The following C10orf90 variants were observed in gnomAD, a reference collection of about 807,000 sequenced individuals.
The protein encoded by C10orf90 is (E2-independent) E3 ubiquitin-conjugating enzyme FATS.
Under a neutral mutation model 62.5 loss-of-function variants are expected in C10orf90, and 56 were observed. The observed-to-expected ratio is 0.90, with a 90% confidence interval of 0.72 to 1.12. The LOEUF (loss-of-function observed/expected upper bound fraction) is 1.12. C10orf90 is among the 50% of genes most tolerant of loss of function. C10orf90 has a pLI of 0.00. For synonymous variants in C10orf90, 386 were observed against 340.4 expected (o/e 1.13, Z -1.47); for missense variants, 970 against 880.4 (o/e 1.10, Z -1.29).
intron 2 of C10orf90, among the ~76,000 whole-genome samples, chr10:126,633,907 A>C (rs1186766785): frequency 6.6e-6 from 1 of 152,214 alleles, no homozygotes; most frequent in East Asian, 1.9e-4. Flanking sequence ...CATTGGGGAA[A>C]TTCTAATCAA....
In C10orf90 at chr10:126,664,287, G is replaced by A. The variant is rs193118728; in HGVS notation, c.240+5954C>T. Among the ~76,000 whole-genome samples the A allele has an allele frequency of 2.9e-3, 444 of 152,198 alleles. 3 individuals are homozygous for A. Among genetic ancestry groups the A allele is most frequent in the African/African-American group, 0.01 (426 of 41,506 alleles). On this transcript the variant is annotated intron_variant, in intron 1 of 9. Coordinates refer to ENST00000488181, the MANE Select transcript of C10orf90 (RefSeq NM_001350921.2). ...AACAAGACCTGCTTACAAAGCAGCAGCACCCATAAATCACTGGTTACAATT... is the reference window on the plus strand; with the variant it reads ...AACAAGACCTGCTTACAAAGCAGCAACACCCATAAATCACTGGTTACAATT...
At chr10:126,590,537 T>A (rs1449123313) in intron 2 of C10orf90, among the ~76,000 whole-genome samples, 2 of 152,156 alleles carry the variant, frequency 1.3e-5, no homozygotes, top group Non-Finnish European at 2.9e-5. Flanking sequence ...AGAATCTCAC[T>A]CAAAACCACA....
At chr10:126,467,598 C>A (rs1377782493) in intron 4 of C10orf90, among the ~76,000 whole-genome samples, 1 of 152,140 alleles carries the variant, frequency 6.6e-6, no homozygotes, top group East Asian at 1.9e-4. Flanking sequence ...GCGCTTAAAG[C>A]CCCCGTCCTG....
rs61863952 is a variant in C10orf90 at position 126,500,871 on chromosome 10, C to T, written c.1534+3086G>A. The stretch of plus-strand genomic sequence containing the variant: ...ACAATTTGTAGAACTTTCTGTCCAA[C>T]GACCTAATGACTAGAACTAAAATTG... On this transcript the variant is annotated intron_variant, in intron 4 of 9. Coordinates refer to ENST00000488181, the MANE Select transcript of C10orf90 (RefSeq NM_001350921.2). Among the ~76,000 whole-genome samples, 1,006 of 152,276 alleles carry T rather than the reference C, an allele frequency of 6.6e-3. 4 individuals carry two copies. Among genetic ancestry groups the T allele is most frequent in the South Asian group, 0.014 (70 of 4,832 alleles).
chr10:126,556,535 A>G (rs1209739303), intron 2 of C10orf90, among the ~76,000 whole-genome samples: 4 of 152,058 alleles, frequency 2.6e-5, no homozygotes, highest in African/African-American at 9.7e-5. Flanking sequence ...TTATTTCTTC[A>G]TTTCCTCCTG....
intron 7 of C10orf90, among the ~76,000 whole-genome samples, chr10:126,458,115 A>G (rs1859702947): frequency 6.6e-6 from 1 of 152,140 alleles, no homozygotes; most frequent in Non-Finnish European, 1.5e-5. Flanking sequence ...GGGGAGATTC[A>G]CAGGAATTCT....
At chr10:126,615,207 A>G (rs1845516435) in intron 2 of C10orf90, among the ~76,000 whole-genome samples, 1 of 152,174 alleles carries the variant, frequency 6.6e-6, no homozygotes, top group Admixed American at 6.5e-5. Context: ...CCTATTTGTT[A>G]AGATCCTTTT....
At chr10:126,622,727 G>A (rs1845671015) in intron 2 of C10orf90, among the ~76,000 whole-genome samples, 1 of 152,178 alleles carries the variant, frequency 6.6e-6, no homozygotes, top group Non-Finnish European at 1.5e-5. Context: ...ATGACAGGGA[G>A]ATTTTTCACT....
intron 2 of C10orf90, among the ~76,000 whole-genome samples, chr10:126,535,188 G>C (rs1364726401): frequency 7.0e-6 from 1 of 143,588 alleles, no homozygotes; most frequent in Non-Finnish European, 1.5e-5. Context: ...GAGAGAGAGA[G>C]AGATTCACAC....
At chr10:126,532,984 G>C (rs765141374) in intron 2 of C10orf90, among the ~76,000 whole-genome samples, 2 of 150,658 alleles carry the variant, frequency 1.3e-5, no homozygotes, top group Non-Finnish European at 3.0e-5. Flanking sequence ...CCAGGCTGGA[G>C]TGCAGTGGCG....
intron 2 of C10orf90, among the ~76,000 whole-genome samples, chr10:126,554,243 TA>T (rs1864707378): frequency 6.6e-6 from 1 of 152,100 alleles, no homozygotes; most frequent in Non-Finnish European, 1.5e-5. Flanking sequence ...ATCTGAGACA[TA>T]ATGTCAAGCA....
rs546510549 is a variant in C10orf90 at position 126,504,837 on chromosome 10, C to T, written c.654G>A (p.Glu218=). 2 of 1,605,922 alleles carry T rather than the reference C, an allele frequency of 1.2e-6. No individual in the cohort carries two copies. Among genetic ancestry groups the T allele is most frequent in the Admixed American group, 3.4e-5 (2 of 59,634 alleles). Residue 218 remains glutamate (E), a synonymous_variant, in exon 4 of 10, where the codon GAG becomes GAA. Transcript: ENST00000488181. This position sits in a 1 kb window ranked among gnomAD's most constrained non-coding sequence, Gnocchi z 4.1. ...APSDERGPEA[E]LPPKEERPCG... ...AGGGTCTCTCCTCTTTGGGCGGCAG[C>T]TCTGCCTCAGGTCCTCGCTCATCTG...
intron 7 of C10orf90, among the ~76,000 whole-genome samples, chr10:126,450,493 A>G (rs188553518): frequency 7.9e-5 from 12 of 152,328 alleles, no homozygotes; most frequent in African/African-American, 2.9e-4. Context: ...TGGCATAAAA[A>G]CAAGTAGACT....
intron 2 of C10orf90, among the ~76,000 whole-genome samples, chr10:126,533,585 T>A (rs1864160053): frequency 6.6e-6 from 1 of 152,204 alleles, no homozygotes; most frequent in South Asian, 2.1e-4. Flanking sequence ...CTGGATGGAC[T>A]CTAACCCTCT....
In C10orf90 at chr10:126,600,311, T is replaced by C. The variant is rs1473076011; in HGVS notation, c.313+46254A>G. Among the ~76,000 whole-genome samples the C allele has an allele frequency of 2.0e-5, 3 of 152,348 alleles. No individual in the cohort carries two copies. In the East Asian group the frequency reaches 5.8e-4, roughly 29 times the overall value. On this transcript the variant is annotated intron_variant, in intron 2 of 9. Coordinates refer to ENST00000488181, the MANE Select transcript of C10orf90 (RefSeq NM_001350921.2). The stretch of plus-strand genomic sequence containing the variant: ...AAAGCTGTGCAGGTTTGGCCGTCCC[T>C]GGGAGACGCTACAGAAAATCTCCAG...
Position 126,655,572 on chromosome 10 carries a change from T to C in C10orf90, c.241-8935A>G, listed in dbSNP as rs2133864260. On this transcript the variant is annotated intron_variant, in intron 1 of 9. Transcript: ENST00000488181. The stretch of plus-strand genomic sequence containing the variant: ...CAATAGAATGAGCTGTACTTGACAA[T>C]GTGAGCTGATGATTCTAGAACTGAG... Among the ~76,000 whole-genome samples the C allele has an allele frequency of 2.0e-5, 3 of 152,290 alleles. No individual in the cohort carries two copies. In the South Asian group the frequency reaches 6.2e-4, roughly 32 times the overall value.
intron 4 of C10orf90, among the ~76,000 whole-genome samples, chr10:126,472,584 A>G (rs1307021335): frequency 6.6e-6 from 1 of 152,108 alleles, no homozygotes; most frequent in African/African-American, 2.4e-5. Context: ...GGCGCCTAGC[A>G]GTTTCAGCAG....
At chr10:126,547,930 AGAG>A (rs1436819762) in intron 2 of C10orf90, among the ~76,000 whole-genome samples, 2 of 152,186 alleles carry the variant, frequency 1.3e-5, no homozygotes, top group Non-Finnish European at 2.9e-5. Context: ...TTGGAGTCCC[AGAG>A]GAGAAGAGAA....
At chr10:126,498,208 G>A (rs1862177860) in intron 4 of C10orf90, among the ~76,000 whole-genome samples, 1 of 152,160 alleles carries the variant, frequency 6.6e-6, no homozygotes, top group Non-Finnish European at 1.5e-5. Context: ...GAGGGGTTAG[G>A]CACATGGGCA....
Sources: gnomAD v4.1 joint callset for allele counts (sites outside exome capture counted in the v4.1 genomes callset) on GRCh38, gnomAD v4.1.1 for gene constraint, Gnocchi (gnomAD v3.1) non-coding constraint, MANE v1.5 for transcripts, NCBI Gene and HGNC (gene_info 2026-07-23, HGNC 2026-07-21) for gene names.